SLC2A13: variants seen among roughly 807,000 people sequenced by gnomAD.
SLC2A13 encodes solute carrier family 2 member 13.
A neutral mutation model predicts 64.4 loss-of-function variants in SLC2A13; 32 were observed. The observed-to-expected ratio is 0.50, with a 90% CI of 0.37 to 0.67. The LOEUF (loss-of-function observed/expected upper bound fraction) is 0.67. SLC2A13 is among the 30% of genes least tolerant of loss of function. The pLI, the probability that SLC2A13 is intolerant of heterozygous loss-of-function variation, is 0.00. For synonymous variants in SLC2A13, 338 were observed against 327.1 expected, an observed-to-expected ratio of 1.03 and a Z score of -0.36; for missense variants, 743 against 829.2, an observed-to-expected ratio of 0.90 and a Z score of 1.28.
intron 1 of SLC2A13, among the ~76,000 whole-genome samples, chr12:40,057,616 A>T (rs1455932473): frequency 6.6e-6 from 1 of 152,128 alleles, no homozygotes; most frequent in East Asian, 1.9e-4. Flanking sequence ...CTATTTTCTT[A>T]GTTCTAAGTA....
chr12:39,941,689 T>G (rs968570067), intron 4 of SLC2A13, among the ~76,000 whole-genome samples: 1 of 152,200 alleles, frequency 6.6e-6, no homozygotes, highest in Non-Finnish European at 1.5e-5. Context: ...ATGTATAGAT[T>G]GTGAAGATTT....
intron 7 of SLC2A13, among the ~76,000 whole-genome samples, chr12:39,811,022 T>C (rs2135804854): frequency 6.6e-6 from 1 of 152,280 alleles, no homozygotes; most frequent in Middle Eastern, 3.4e-3. Flanking sequence ...TCTTTAAATA[T>C]CTGGTTTAAT....
In SLC2A13 at chr12:40,105,300, T is replaced by C. The variant is rs745992233; in HGVS notation, c.509A>G (p.Asn170Ser). The C allele has an allele frequency of 7.5e-6, 12 of 1,602,372 alleles. 1 individual carries two copies. In the Middle Eastern group the frequency reaches 1.5e-3, roughly 207 times the overall value. Residue 170 changes from asparagine to serine, a missense_variant, in exon 1 of 10, where the codon AAC becomes AGC. Transcript: ENST00000280871. This position sits in a 1 kb window ranked among gnomAD's most constrained non-coding sequence, Gnocchi z 4.2. Reference sequence around the variant, plus strand: ...GCGGCCGGCGAGCAGTGTCTCCTTGTTGTTGGCCGCAGCCAGCACCGCGGA... The same window carrying C: ...GCGGCCGGCGAGCAGTGTCTCCTTGCTGTTGGCCGCAGCCAGCACCGCGGA... ...AGSAVLAAAN[N>S]KETLLAGRLV...
rs185871040 is a variant in SLC2A13, at chr12:39,884,268, C to T, written c.1035-12307G>A. On this transcript the variant is annotated intron_variant, in intron 4 of 9. Coordinates refer to ENST00000280871, the MANE Select transcript of SLC2A13 (RefSeq NM_052885.4). ...ACAGGCATGAGCCACTGGACCCAGC[C>T]AAACTAAATCTAACACTATTTTAAG... Among the ~76,000 whole-genome samples the T allele has an allele frequency of 2.0e-5, 3 of 152,220 alleles. No individual in the cohort carries two copies. In the East Asian group the frequency reaches 5.8e-4, roughly 29 times the overall value.
At chr12:39,953,586 T>C (rs1034468703) in intron 3 of SLC2A13, among the ~76,000 whole-genome samples, 1 of 152,216 alleles carries the variant, frequency 6.6e-6, no homozygotes, top group Non-Finnish European at 1.5e-5. Flanking sequence ...ATGCTCTACT[T>C]AAAACATTTC....
At chr12:39,808,238 A>G (rs1289881752) in intron 7 of SLC2A13, among the ~76,000 whole-genome samples, 1 of 152,122 alleles carries the variant, frequency 6.6e-6, no homozygotes, top group African/African-American at 2.4e-5. Context: ...TTTGCCCAAC[A>G]CAATGTTTCT....
chr12:39,896,823 A>C (rs185419776), intron 4 of SLC2A13, among the ~76,000 whole-genome samples: 7 of 152,278 alleles, frequency 4.6e-5, no homozygotes, highest in African/African-American at 1.7e-4. Context: ...TCATTCTGTC[A>C]ATAGTGTGAC....
chr12:39,976,831 C>A (rs1018451059), intron 3 of SLC2A13, among the ~76,000 whole-genome samples: 22 of 152,180 alleles, frequency 1.4e-4, no homozygotes, highest in Non-Finnish European at 3.1e-4. Flanking sequence ...TTCCAACTTT[C>A]TGGACACTTA....
intron 7 of SLC2A13, among the ~76,000 whole-genome samples, chr12:39,774,546 T>G (rs1488939090): frequency 1.3e-5 from 2 of 151,808 alleles, no homozygotes; most frequent in Non-Finnish European, 2.9e-5. Context: ...GAGACCATGT[T>G]GAAAATCCTG....
chr12:40,047,032 G>A (rs1265488465), intron 2 of SLC2A13, among the ~76,000 whole-genome samples: 2 of 151,920 alleles, frequency 1.3e-5, no homozygotes, highest in Admixed American at 1.3e-4. Context: ...CTCCCAAGTA[G>A]GTGGAATTAC....
intron 3 of SLC2A13, among the ~76,000 whole-genome samples, chr12:40,023,480 A>T (rs1947755957): frequency 6.6e-6 from 1 of 152,240 alleles, no homozygotes; most frequent in African/African-American, 2.4e-5. Flanking sequence ...AAGAAGTCAA[A>T]TAAGTGCTAT....
chr12:39,922,968 T>TGAAG (rs1945641525), intron 4 of SLC2A13, among the ~76,000 whole-genome samples: 2 of 151,996 alleles, frequency 1.3e-5, no homozygotes, highest in Non-Finnish European at 2.9e-5. Context: ...AAAGAAAAAA[T>TGAAG]GAAGAATAAT....
chr12:39,909,696 C>G (rs1219726961), intron 4 of SLC2A13, among the ~76,000 whole-genome samples: 4 of 152,046 alleles, frequency 2.6e-5, no homozygotes, highest in Non-Finnish European at 5.9e-5. Context: ...TCAGCCCCCA[C>G]TAAGTGTTCT....
At chr12:39,853,665 T>TTTTATG (rs1285791219) in intron 6 of SLC2A13, among the ~76,000 whole-genome samples, 1 of 151,850 alleles carries the variant, frequency 6.6e-6, no homozygotes, top group Non-Finnish European at 1.5e-5. Context: ...GTCAGACTGC[T>TTTTATG]ACAGCCTGGT....
rs542806128 is a variant in SLC2A13 at position 39,759,048 on chromosome 12, G to A, written c.*978C>T. 1.3e-5 allele frequency: 2 copies of A among 152,326 alleles called. No individual in the cohort carries two copies. Among genetic ancestry groups the A allele is most frequent in the African/African-American group, 4.8e-5 (2 of 41,396 alleles). The allele number at this position is 152,326 out of a possible 1,614,324, so 9.4% of individuals were successfully genotyped here. On this transcript the variant is annotated 3_prime_UTR_variant, in exon 10 of 10. Transcript: ENST00000280871. ...AAAATTATTGTTTGAATAAAAGAAAGGGGAAAAATGGTTTGCTTGCAGCTA... is the reference window on the plus strand; with the variant it reads ...AAAATTATTGTTTGAATAAAAGAAAAGGGAAAAATGGTTTGCTTGCAGCTA...
chr12:39,880,897 C>A (rs1249887157), intron 4 of SLC2A13, among the ~76,000 whole-genome samples: 1 of 152,194 alleles, frequency 6.6e-6, no homozygotes, highest in Non-Finnish European at 1.5e-5. Flanking sequence ...ACCAATTTGC[C>A]ACATTGACCT....
At chr12:39,838,167 A>C (rs1203742600) in intron 6 of SLC2A13, among the ~76,000 whole-genome samples, 1 of 149,950 alleles carries the variant, frequency 6.7e-6, no homozygotes, top group Admixed American at 6.6e-5. Context: ...AGCCATAAAA[A>C]AGGATGAGTT....
chr12:39,983,986 A>T (rs1946974713), intron 3 of SLC2A13, among the ~76,000 whole-genome samples: 1 of 151,238 alleles, frequency 6.6e-6, no homozygotes, highest in African/African-American at 2.4e-5. Context: ...ACACCATGGA[A>T]TACTATGCAG....
intron 6 of SLC2A13, among the ~76,000 whole-genome samples, chr12:39,835,143 A>G (rs1942971227): frequency 6.6e-6 from 1 of 152,104 alleles, no homozygotes; most frequent in Non-Finnish European, 1.5e-5. Context: ...CTTTTGGTCT[A>G]TTTTGGTGAA....
Sources: gnomAD v4.1 joint callset for allele counts (sites outside exome capture counted in the v4.1 genomes callset) on GRCh38, gnomAD v4.1.1 for gene constraint, Gnocchi (gnomAD v3.1) non-coding constraint, MANE v1.5 for transcripts, NCBI Gene and HGNC (gene_info 2026-07-23, HGNC 2026-07-21) for gene names.